The following EFEMP1 variants were observed in gnomAD, a reference collection of about 807,000 sequenced individuals.
EFEMP1 encodes EGF-containing fibulin-like extracellular matrix protein 1.
In EFEMP1, 18 loss-of-function variants were observed where a neutral mutation model predicts 65.7. That is an observed-to-expected ratio of 0.27 (90% CI 0.19 to 0.41). The LOEUF is 0.41. Among genes scored for constraint, EFEMP1 ranks in the 10% least tolerant of loss-of-function variants. The probability of loss-of-function intolerance (pLI) is 1.00; values close to 1 mark genes in which losing one functional copy is unlikely to be tolerated. For missense variants in EFEMP1, 469 were observed against 624.8 expected, an observed-to-expected ratio of 0.75 and a Z score of 2.66; for synonymous variants, 237 against 219.7, an observed-to-expected ratio of 1.08 and a Z score of -0.70.
At chr2:55,907,443 A>C (rs1239560420) in intron 5 of EFEMP1, among the ~76,000 whole-genome samples, 1 of 152,226 alleles carries the variant, frequency 6.6e-6, no homozygotes, top group Non-Finnish European at 1.5e-5. Context: ...TTTTGATATC[A>C]CACATTTACA....
chr2:55,874,394 G>GGTGT lies in EFEMP1; in HGVS notation c.1000+548_1000+551dup, dbSNP rs1035411799. The stretch of plus-strand genomic sequence containing the variant: ...GAGCTGCCTCTTCCACTTACGTATA[G>GGTGT]GTGTGAAGATCATCTGAATGTTTAT... On this transcript the variant is annotated intron_variant, in intron 9 of 11. Transcript: ENST00000355426. Among the ~76,000 whole-genome samples the GGTGT allele has an allele frequency of 4.4e-4, 67 of 151,704 alleles. 1 individual carries two copies. The highest frequency in any genetic ancestry group is 1.5e-3 in the African/African-American group (62 of 41,444).
intron 6 of EFEMP1, among the ~76,000 whole-genome samples, chr2:55,880,826 T>C (rs1028149229): frequency 6.6e-5 from 10 of 152,192 alleles, no homozygotes; most frequent in African/African-American, 2.4e-4. Flanking sequence ...TGATCTTCCA[T>C]TCACTCAAAA....
intron 8 of EFEMP1, 78 bp from the exon 9 acceptor site, chr2:55,875,143 AAT>A: frequency 2.3e-6 from 1 of 441,218 alleles, no homozygotes; most frequent in Non-Finnish European, 3.3e-6. Flanking sequence ...TATATATATA[AAT>A]TATATATATA....
At chr2:55,915,256 A>G (rs568714218) in intron 5 of EFEMP1, among the ~76,000 whole-genome samples, 26 of 152,316 alleles carry the variant, frequency 1.7e-4, no homozygotes, top group Non-Finnish European at 2.2e-4. Context: ...ACACAGATCA[A>G]TTTGGGTTGG....
intron 5 of EFEMP1, among the ~76,000 whole-genome samples, chr2:55,899,590 G>A (rs943975217): frequency 6.6e-6 from 1 of 152,144 alleles, no homozygotes; most frequent in Non-Finnish European, 1.5e-5. Flanking sequence ...CCTTTAATGC[G>A]TATGGGGCAA....
At chr2:55,895,873 A>C (rs1489314592) in intron 5 of EFEMP1, among the ~76,000 whole-genome samples, 4 of 152,156 alleles carry the variant, frequency 2.6e-5, no homozygotes, top group Non-Finnish European at 5.9e-5. Flanking sequence ...GAATTGCAGC[A>C]AACTCACTAT....
chr2:55,915,280 GCACA>G (rs1274740854), intron 5 of EFEMP1, among the ~76,000 whole-genome samples: 1 of 152,090 alleles, frequency 6.6e-6, no homozygotes, highest in East Asian at 1.9e-4. Flanking sequence ...TAACCTGTGT[GCACA>G]CAGTCAACAG....
chr2:55,884,845 G>A (rs1669368341), intron 5 of EFEMP1, among the ~76,000 whole-genome samples: 2 of 152,196 alleles, frequency 1.3e-5, no homozygotes, highest in South Asian at 4.1e-4. Context: ...GGGGATGGGG[G>A]ATCTATGTCT....
rs921005045 is a variant in EFEMP1, at chr2:55,922,291, T to A, written c.81+69A>T. 83 of 1,379,866 alleles carry A rather than the reference T, an allele frequency of 6.0e-5. No individual in the cohort carries two copies. The highest frequency in any genetic ancestry group is 8.0e-5 in the Non-Finnish European group (78 of 970,606). 85.5% of individuals were successfully genotyped at this position (1,379,866 alleles called of 1,614,324 possible). Reference sequence around the variant, plus strand: ...TATAGCCCAAATACACTGGCAGGGGTGTGTAAAGTCTTTTTTTGTCACAGA... The same window carrying A: ...TATAGCCCAAATACACTGGCAGGGGAGTGTAAAGTCTTTTTTTGTCACAGA... On this transcript the variant is annotated intron_variant, in intron 3 of 11. Coordinates refer to ENST00000355426, the MANE Select transcript of EFEMP1 (RefSeq NM_001039348.3). The surrounding 1 kb of genome is among the most constrained non-coding windows in gnomAD (Gnocchi z 5.5).
In EFEMP1 at chr2:55,870,270, G is replaced by A. The variant is rs113106574; in HGVS notation, c.1320+450C>T. Among the ~76,000 whole-genome samples the A allele has an allele frequency of 5.0e-3, 760 of 151,028 alleles. 5 individuals are homozygous for A. Among genetic ancestry groups the A allele is most frequent in the African/African-American group, 0.017 (709 of 41,058 alleles). On this transcript the variant is annotated intron_variant, in intron 11 of 11. Transcript: ENST00000355426. The surrounding 1 kb of genome is among the most constrained non-coding windows in gnomAD (Gnocchi z 5.8). ...ATGATGTCTGAAAAACTCTTTAGGA[G>A]CTCCAGGAATTATTTTGGGTTTGAA...
At chr2:55,911,526 A>T (rs1031850802) in intron 5 of EFEMP1, among the ~76,000 whole-genome samples, 3 of 152,048 alleles carry the variant, frequency 2.0e-5, no homozygotes, top group Non-Finnish European at 2.9e-5. Context: ...TTGTCTTATT[A>T]TAACAATATA....
At chr2:55,878,180 A>G (rs1024854641) in intron 6 of EFEMP1, among the ~76,000 whole-genome samples, 3 of 152,330 alleles carry the variant, frequency 2.0e-5, no homozygotes, top group African/African-American at 4.8e-5. Context: ...AAGCTTATAT[A>G]TAATTACAGA....
chr2:55,916,546 C>G (rs182749607), intron 5 of EFEMP1, among the ~76,000 whole-genome samples: 16 of 152,300 alleles, frequency 1.1e-4, no homozygotes, highest in Admixed American at 2.0e-4. Context: ...TCAGTGGTCT[C>G]TATTGAAACC....
rs576605225 is a variant in EFEMP1 at position 55,876,370 on chromosome 2, C to T, written c.880+253G>A. Among the ~76,000 whole-genome samples, 12 of 152,196 alleles carry T rather than the reference C, an allele frequency of 7.9e-5. No individual in the cohort carries two copies. The East Asian group carries it at 1.9e-3, about 24-fold the overall frequency. On this transcript the variant is annotated intron_variant, in intron 8 of 11. Transcript: ENST00000355426. ...CTGGTCACTGGATAACACACTGAGA[C>T]GCAACATGCTAGAGCACCCTTTCTA... is the stretch of plus-strand genomic sequence containing the variant.
chr2:55,876,095 G>A (rs985911913), intron 8 of EFEMP1, among the ~76,000 whole-genome samples: 2 of 152,046 alleles, frequency 1.3e-5, no homozygotes, highest in African/African-American at 2.4e-5. Flanking sequence ...CCCTCCTCTT[G>A]TTCATGTGGA....
rs777178356 is a variant in EFEMP1, at chr2:55,871,028, G to T, written c.1096C>A (p.Gln366Lys). The T allele has an allele frequency of 1.1e-5, 18 of 1,613,718 alleles. No individual in the cohort carries two copies. In the South Asian group the frequency reaches 1.8e-4, roughly 16 times the overall value. ...GFRCYPRNPC[Q>K]DPYILTPENR... ...TCTGGTGTTAGAATGTAGGGATCTT[G>T]ACAAGGATTTCGTGGATAACAACGG... is the stretch of plus-strand genomic sequence containing the variant. The change falls in exon 10 of 12, where the codon CAA becomes AAA. Residue 366 changes from glutamine to lysine, a missense_variant. Around this residue, in one of 3 missense-constraint regions of EFEMP1, gnomAD observed 399 missense variants for 528.2 expected, o/e 0.76. Coordinates refer to ENST00000355426, the MANE Select transcript of EFEMP1 (RefSeq NM_001039348.3). The surrounding 1 kb of genome is among the most constrained non-coding windows in gnomAD (Gnocchi z 4.2).
chr2:55,884,976 A>G (rs886411168), intron 5 of EFEMP1, among the ~76,000 whole-genome samples: 2 of 152,192 alleles, frequency 1.3e-5, no homozygotes, highest in African/African-American at 2.4e-5. Context: ...ATTGGTACCT[A>G]AAGTTTCAGG....
chr2:55,897,709 C>G (rs1344418674), intron 5 of EFEMP1, among the ~76,000 whole-genome samples: 1 of 152,130 alleles, frequency 6.6e-6, no homozygotes, highest in East Asian at 1.9e-4. Flanking sequence ...ACCCCTACTC[C>G]CAAACCTCTT....
intron 5 of EFEMP1, among the ~76,000 whole-genome samples, chr2:55,882,554 T>G (rs1350163648): frequency 6.6e-6 from 1 of 152,178 alleles, no homozygotes; most frequent in Non-Finnish European, 1.5e-5. Flanking sequence ...TGATATAAAT[T>G]TGTGTGTGTA....
Sources: allele counts gnomAD v4.1 joint callset (sites outside exome capture counted in the v4.1 genomes callset), GRCh38; gene constraint gnomAD v4.1.1; regional missense constraint gnomAD v4.1.1; non-coding constraint Gnocchi (gnomAD v3.1); transcripts MANE v1.5; gene names NCBI Gene and HGNC (gene_info 2026-07-23, HGNC 2026-07-21).